Variants in TMEM132C observed in about 807,000 individuals in gnomAD.
TMEM132C encodes protein phosphatase 1, regulatory subunit 152.
Under a neutral mutation model 61.4 loss-of-function variants are expected in TMEM132C, and 29 were observed. The ratio of observed to expected loss-of-function variants is 0.47; its 90% confidence interval spans 0.35 to 0.64. TMEM132C has a LOEUF of 0.64. Ranked by LOEUF, TMEM132C falls within the 30% of genes least tolerant of loss-of-function variation. The pLI is 0.00. For synonymous variants in TMEM132C, 656 were observed against 633.1 expected (o/e 1.04, Z -0.54); for missense variants, 1,408 against 1,476.9 (o/e 0.95, Z 0.76).
Position 128,441,814 on chromosome 12 carries a change from C to T in TMEM132C, c.974+26194C>T, listed in dbSNP as rs145842662. Among the ~76,000 whole-genome samples the T allele has an allele frequency of 2.4e-3, 363 of 151,972 alleles. 1 individual carries two copies. The highest frequency in any genetic ancestry group is 3.4e-3 in the Non-Finnish European group (229 of 67,978). Reference sequence around the variant, plus strand: ...GTTCGAGACCAGCTTGCCAACATGGCGAAACACATGTCTACTAAAAATACA... The same window carrying T: ...GTTCGAGACCAGCTTGCCAACATGGTGAAACACATGTCTACTAAAAATACA... On this transcript the variant is annotated intron_variant, in intron 2 of 8. Coordinates refer to ENST00000435159, the MANE Select transcript of TMEM132C (RefSeq NM_001136103.3).
At chr12:128,492,560 G>A (rs1376478332) in intron 2 of TMEM132C, among the ~76,000 whole-genome samples, 2 of 152,130 alleles carry the variant, frequency 1.3e-5, no homozygotes, top group Non-Finnish European at 2.9e-5. Context: ...GTGTGAGATG[G>A]TATCTCATTG....
chr12:128,383,511 G>C (rs555225598), intron 1 of TMEM132C, among the ~76,000 whole-genome samples: 1 of 152,124 alleles, frequency 6.6e-6, no homozygotes, highest in Non-Finnish European at 1.5e-5. Flanking sequence ...ATCCCTGGGT[G>C]TCCCGGGATT....
intron 4 of TMEM132C, among the ~76,000 whole-genome samples, chr12:128,618,574 G>A (rs1876884485): frequency 6.6e-6 from 1 of 152,148 alleles, no homozygotes; most frequent in South Asian, 2.1e-4. Flanking sequence ...CATGTTGTGG[G>A]AGGGACTCGA....
At chr12:128,441,210 T>G (rs1206036531) in intron 2 of TMEM132C, among the ~76,000 whole-genome samples, 1 of 152,124 alleles carries the variant, frequency 6.6e-6, no homozygotes, top group African/African-American at 2.4e-5. Context: ...CGGCGATGAG[T>G]GCGAGGAGCA....
chr12:128,670,680 T>C (rs893599183), intron 5 of TMEM132C, among the ~76,000 whole-genome samples: 1 of 152,240 alleles, frequency 6.6e-6, no homozygotes, highest in Non-Finnish European at 1.5e-5. Flanking sequence ...CATCCCTTGA[T>C]AGACCATCAG....
At chr12:128,547,583 A>G (rs1874001993) in intron 3 of TMEM132C, among the ~76,000 whole-genome samples, 1 of 151,486 alleles carries the variant, frequency 6.6e-6, no homozygotes, top group African/African-American at 2.4e-5. Context: ...AAAAAAAAAA[A>G]GAAATATCTC....
intron 3 of TMEM132C, among the ~76,000 whole-genome samples, chr12:128,611,506 T>A (rs868241297): frequency 6.6e-5 from 10 of 152,306 alleles, no homozygotes; most frequent in Non-Finnish European, 1.2e-4. Flanking sequence ...TCCAGCCCCA[T>A]GCCCACTGCT....
At position 128,419,575 on chromosome 12, in the gene TMEM132C, G is replaced by GT. The variant is rs72349303; in HGVS notation, c.974+3971dup. Among the ~76,000 whole-genome samples, 752 of 136,190 alleles carry GT rather than the reference G, an allele frequency of 5.5e-3. 4 individuals are homozygous for GT. Among genetic ancestry groups the GT allele is most frequent in the South Asian group, 0.015 (62 of 4,144 alleles). The allele number at this position is 136,190 out of a possible 152,430, so 89.3% of individuals were successfully genotyped here. On this transcript the variant is annotated intron_variant, in intron 2 of 8. Coordinates refer to ENST00000435159, the MANE Select transcript of TMEM132C (RefSeq NM_001136103.3). ...CATCCTGACAGCACCTACTAATCTT[G>GT]TTTTTTTTTTTTTTTTGGCGAAAGG...
chr12:128,484,890 C>T (rs946165268), intron 2 of TMEM132C, among the ~76,000 whole-genome samples: 7 of 151,802 alleles, frequency 4.6e-5, no homozygotes, highest in Admixed American at 1.3e-4. Flanking sequence ...CCCAGGAGTT[C>T]GAGGCTGCAG....
intron 2 of TMEM132C, among the ~76,000 whole-genome samples, chr12:128,513,969 A>T (rs1872645954): frequency 6.6e-6 from 1 of 152,176 alleles, no homozygotes; most frequent in Non-Finnish European, 1.5e-5. Flanking sequence ...GGAGGGTGGC[A>T]TCGCCTCTTG....
intron 1 of TMEM132C, among the ~76,000 whole-genome samples, chr12:128,318,269 A>G (rs1020230848): frequency 2.0e-4 from 31 of 152,322 alleles, no homozygotes; most frequent in African/African-American, 7.0e-4. Flanking sequence ...GCTCTTTATC[A>G]GTAATGAAAA....
chr12:128,656,445 A>G (rs1036695582), intron 4 of TMEM132C, among the ~76,000 whole-genome samples: 2 of 152,210 alleles, frequency 1.3e-5, no homozygotes, highest in African/African-American at 2.4e-5. Flanking sequence ...GCAGGAAGGG[A>G]AAAAGGACGA....
chr12:128,346,422 A>AT (rs1341265168), intron 1 of TMEM132C, among the ~76,000 whole-genome samples: 1 of 151,988 alleles, frequency 6.6e-6, no homozygotes, highest in African/African-American at 2.4e-5. Flanking sequence ...TTAAAAATAG[A>AT]TTTTTCTAGT....
intron 2 of TMEM132C, among the ~76,000 whole-genome samples, chr12:128,449,466 G>A (rs1466673527): frequency 6.6e-6 from 1 of 152,084 alleles, no homozygotes; most frequent in Non-Finnish European, 1.5e-5. Context: ...CTAGAAACAA[G>A]TAGACCAGAT....
intron 2 of TMEM132C, among the ~76,000 whole-genome samples, chr12:128,514,777 C>T (rs1031043346): frequency 5.3e-5 from 8 of 152,152 alleles, no homozygotes; most frequent in South Asian, 4.1e-4. Context: ...TCATTTGACA[C>T]GTATTTACTG....
At chr12:128,564,947 A>G (rs1392043604) in intron 3 of TMEM132C, among the ~76,000 whole-genome samples, 1 of 152,194 alleles carries the variant, frequency 6.6e-6, no homozygotes, top group African/African-American at 2.4e-5. Context: ...TTTTTAACCA[A>G]TATTATGGGA....
In TMEM132C at chr12:128,454,848, C is replaced by T. The variant is rs115609663; in HGVS notation, c.974+39228C>T. 3.5e-3 allele frequency among the ~76,000 whole-genome samples: 526 copies of T among 152,318 alleles called. 1 individual carries two copies. The highest frequency in any genetic ancestry group is 0.012 in the African/African-American group (512 of 41,586). On this transcript the variant is annotated intron_variant, in intron 2 of 8. Coordinates refer to ENST00000435159, the MANE Select transcript of TMEM132C (RefSeq NM_001136103.3). The stretch of plus-strand genomic sequence containing the variant: ...TGCTTGAGTTCTGATGTCTCACCTG[C>T]CCTGGTCCTGAGGACGGGTTGTCAC...
intron 1 of TMEM132C, among the ~76,000 whole-genome samples, chr12:128,272,297 A>G (rs1870550380): frequency 6.6e-6 from 1 of 152,162 alleles, no homozygotes; most frequent in Admixed American, 6.5e-5. Flanking sequence ...CAGCTTTTGG[A>G]TCTGCTTTCT....
chr12:128,665,405 A>C (rs1278353479), intron 4 of TMEM132C, among the ~76,000 whole-genome samples: 1 of 151,534 alleles, frequency 6.6e-6, no homozygotes, highest in East Asian at 1.9e-4. Context: ...GCACTCACAC[A>C]TACACAAATA....
Sources: allele counts gnomAD v4.1 joint callset (sites outside exome capture counted in the v4.1 genomes callset), GRCh38; gene constraint gnomAD v4.1.1; transcripts MANE v1.5; gene names NCBI Gene and HGNC (gene_info 2026-07-23, HGNC 2026-07-21).